Variants in SCN10A observed in about 807,000 individuals in gnomAD.
SCN10A encodes the protein sodium voltage-gated channel alpha subunit 10, also known as sodium channel protein type 10 subunit alpha.
SCN10A carries 162 observed loss-of-function variants against 170.7 expected under a neutral mutation model. That is an observed-to-expected ratio of 0.95 (90% CI 0.84 to 1.08). The LOEUF (loss-of-function observed/expected upper bound fraction) is 1.08, where lower values mean the gene tolerates loss of function less well. SCN10A is among the 50% of genes least tolerant of loss of function. SCN10A has a pLI of 0.00. For synonymous variants in SCN10A, 985 were observed against 904.6 expected (o/e 1.09, Z -1.59); for missense variants, 2,527 against 2,436.9 (o/e 1.04, Z -0.78).
At chr3:38,778,497 A>T (rs2064101782) in intron 4 of SCN10A, among the ~76,000 whole-genome samples, 2 of 151,918 alleles carry the variant, frequency 1.3e-5, no homozygotes, top group South Asian at 4.1e-4. Context: ...ATCTTTCCAC[A>T]AGCAGACAGA....
At position 38,726,889 on chromosome 3, in the gene SCN10A, G is replaced by C. The variant is rs748196037; in HGVS notation, c.2804C>G (p.Ser935Cys). ...KQALCSFFSR[S>C]CPFPQPKAEP... Reference sequence around the variant, plus strand: ...TGCCTTGGGCTGGGGGAATGGGCAGGACCTGCTGAAGAAGCTGCAAAGAGC... The same window carrying C: ...TGCCTTGGGCTGGGGGAATGGGCAGCACCTGCTGAAGAAGCTGCAAAGAGC... Residue 935 changes from serine (S) to cysteine (C), a missense_variant, in exon 17 of 28, where the codon TCC becomes TGC. By Grantham distance (112) the Ser-to-Cys change is moderately radical. Transcript: ENST00000449082. 1.2e-6 allele frequency: 2 copies of C among 1,614,078 alleles called. No individual in the cohort carries two copies. Among genetic ancestry groups the C allele is most frequent in the Non-Finnish European group, 1.7e-6 (2 of 1,180,038 alleles).
intron 16 of SCN10A, 94 bp downstream of exon 16, chr3:38,728,448 G>A (rs1027308770): frequency 7.5e-7 from 1 of 1,332,672 alleles, no homozygotes; most frequent in South Asian, 1.8e-5. Flanking sequence ...AGTACAATCT[G>A]GGCATAAAAA....
intron 1 of SCN10A, among the ~76,000 whole-genome samples, chr3:38,797,893 A>T (rs2064349378): frequency 1.3e-5 from 2 of 152,208 alleles, no homozygotes; most frequent in African/African-American, 4.8e-5. Flanking sequence ...GGCTACCATA[A>T]ATCCCTCCAG....
chr3:38,735,566 G>A (rs960183838), intron 15 of SCN10A, among the ~76,000 whole-genome samples: 3 of 152,240 alleles, frequency 2.0e-5, no homozygotes, highest in Middle Eastern at 3.2e-3. Context: ...ATGTGGGTAT[G>A]TAACTTGGCA....
At chr3:38,746,063 G>GTATATATATATATATATATATATATA (rs1553619550) in intron 13 of SCN10A, among the ~76,000 whole-genome samples, 1 of 61,626 alleles carries the variant, frequency 1.6e-5, no homozygotes, top group Non-Finnish European at 3.5e-5. Flanking sequence ...GTGTGTATGT[G>GTATATATATATATATATATATATATA]TATATATATA....
At chr3:38,746,077 A>G (rs1396446498) in intron 13 of SCN10A, among the ~76,000 whole-genome samples, 1,682 of 87,082 alleles carry the variant, frequency 0.019, 93 homozygotes, top group African/African-American at 0.035. Flanking sequence ...ATATATATAT[A>G]TATATATATA....
chr3:38,745,670 T>C (rs2063678628), intron 13 of SCN10A, among the ~76,000 whole-genome samples: 1 of 152,054 alleles, frequency 6.6e-6, no homozygotes, highest in African/African-American at 2.4e-5. Flanking sequence ...ACCCTTTTAC[T>C]CCATTAATCC....
chr3:38,735,875 C>T (rs764239305), intron 15 of SCN10A, among the ~76,000 whole-genome samples: 52 of 152,160 alleles, frequency 3.4e-4, no homozygotes, highest in Non-Finnish European at 6.5e-4. Context: ...TTATTGAGTT[C>T]CTATGTATGT....
intron 8 of SCN10A, among the ~76,000 whole-genome samples, chr3:38,759,720 T>G (rs900574723): frequency 6.6e-5 from 10 of 152,156 alleles, no homozygotes; most frequent in African/African-American, 2.2e-4. Flanking sequence ...AAATTTCCTA[T>G]CTCTATTTTA....
At chr3:38,705,295 G>A (rs1318771769) in intron 26 of SCN10A, among the ~76,000 whole-genome samples, 2 of 152,190 alleles carry the variant, frequency 1.3e-5, no homozygotes, top group Non-Finnish European at 2.9e-5. Flanking sequence ...CTCCACTAAG[G>A]CTAGCAAAAG....
At chr3:38,804,700 G>A (rs1350385527) in intron 1 of SCN10A, among the ~76,000 whole-genome samples, 2 of 152,090 alleles carry the variant, frequency 1.3e-5, no homozygotes, top group Non-Finnish European at 2.9e-5. Flanking sequence ...GATAGAAACT[G>A]ACCATAATCC....
At chr3:38,737,177 A>G (rs2126010211) in intron 15 of SCN10A, among the ~76,000 whole-genome samples, 1 of 150,910 alleles carries the variant, frequency 6.6e-6, no homozygotes, top group South Asian at 2.1e-4. Flanking sequence ...TCACCGTGTT[A>G]GCCAAGATGG....
chr3:38,713,731 AC>A lies in SCN10A; in HGVS notation c.3804+226del, dbSNP rs1023396816. On this transcript the variant is annotated intron_variant, in intron 22 of 27. Transcript: ENST00000449082. ...TTTTGAGGCGGAGTCTCGCTCTGTC[AC>A]CCAGGCTGGAGTATAATGGCACAAT... 7.6e-4 allele frequency among the ~76,000 whole-genome samples: 115 copies of A among 152,058 alleles called. 1 individual carries two copies. Among genetic ancestry groups the A allele is most frequent in the South Asian group, 3.5e-3 (17 of 4,816 alleles).
Position 38,725,211 on chromosome 3 carries a change from G to C in SCN10A, c.3191C>G (p.Thr1064Arg). The change falls in exon 18 of 28, where the codon ACG becomes AGG. Residue 1064 changes from threonine (T) to arginine (R), a missense_variant. Thr to Arg is a moderately conservative substitution (Grantham distance 71, BLOSUM62 -1). Coordinates refer to ENST00000449082, the MANE Select transcript of SCN10A (RefSeq NM_006514.4). ...SEDLAPSLGE[T>R]WKDESVPQVP... is the part of the protein sequence containing the mutation. Reference sequence around the variant, plus strand: ...CTGAGGAACAGACTCATCTTTCCACGTCTCACCCAGGGATGGAGCCAGGTC... The same window carrying C: ...CTGAGGAACAGACTCATCTTTCCACCTCTCACCCAGGGATGGAGCCAGGTC... The C allele has an allele frequency of 6.2e-7, 1 of 1,606,460 alleles. No homozygotes were observed. The highest frequency in any genetic ancestry group is 8.5e-7 in the Non-Finnish European group (1 of 1,174,500).
intron 21 of SCN10A, among the ~76,000 whole-genome samples, chr3:38,718,034 A>G (rs2063350531): frequency 6.6e-6 from 1 of 152,140 alleles, no homozygotes; most frequent in Non-Finnish European, 1.5e-5. Context: ...TACCTCTCCA[A>G]ATGCGCCCTC....
rs747652031 is a variant in SCN10A, at chr3:38,697,890, AT to A, written c.5329del (p.Ile1777SerfsTer9). 3.7e-6 allele frequency: 6 copies of A among 1,613,952 alleles called. No homozygotes were observed. The African/African-American group carries it at 8.0e-5, about 22-fold the overall frequency. ...FADTLSGPLRIPKPNRNILIQ... is the reference protein window; with the variant it reads ...FADTLSGPLRXPKPNRNILIQ... Reference sequence around the variant, plus strand: ...CAGTATATTTCGATTGGGTTTTGGGATTCTCAGGGGACCAGAGAGAGTGTCT... The same window carrying A: ...CAGTATATTTCGATTGGGTTTTGGGATCTCAGGGGACCAGAGAGAGTGTCT... On this transcript the variant is annotated frameshift_variant, in exon 28 of 28. Coordinates refer to ENST00000449082, the MANE Select transcript of SCN10A (RefSeq NM_006514.4). LOFTEE classifies it high-confidence loss of function.
intron 1 of SCN10A, among the ~76,000 whole-genome samples, chr3:38,803,931 G>A (rs1456855523): frequency 1.3e-5 from 2 of 152,072 alleles, no homozygotes; most frequent in African/African-American, 2.4e-5. Context: ...TGTAGCCCAA[G>A]CCACTATCAC....
At chr3:38,767,815 C>T (rs2063950305) in intron 5 of SCN10A, among the ~76,000 whole-genome samples, 1 of 152,142 alleles carries the variant, frequency 6.6e-6, no homozygotes, top group East Asian at 1.9e-4. Flanking sequence ...TCTTGATGAC[C>T]TGTCTAGTGC....
At chr3:38,796,586 T>C (rs2064342946) in intron 1 of SCN10A, among the ~76,000 whole-genome samples, 1 of 152,200 alleles carries the variant, frequency 6.6e-6, no homozygotes, top group African/African-American at 2.4e-5. Context: ...CACACTACTT[T>C]TATAAGTTTA....
Sources: allele counts gnomAD v4.1 joint callset (sites outside exome capture counted in the v4.1 genomes callset), GRCh38; gene constraint gnomAD v4.1.1; transcripts MANE v1.5; gene names NCBI Gene and HGNC (gene_info 2026-07-23, HGNC 2026-07-21).